The following RALGPS1 variants were observed in gnomAD, a reference collection of about 807,000 sequenced individuals.
RALGPS1 encodes ras-specific guanine nucleotide-releasing factor RalGPS1.
A neutral mutation model predicts 78.8 loss-of-function variants in RALGPS1; 19 were observed. The observed-to-expected ratio is 0.24, with a 90% confidence interval of 0.17 to 0.35. The LOEUF (loss-of-function observed/expected upper bound fraction) is 0.35. Among genes scored for constraint, RALGPS1 ranks in the 10% least tolerant of loss-of-function variants. The pLI, the probability that RALGPS1 is intolerant of heterozygous loss-of-function variation, is 1.00. For synonymous variants in RALGPS1, 228 were observed against 256.3 expected, an observed-to-expected ratio of 0.89 and a Z score of 1.06; for missense variants, 454 against 688.3, an observed-to-expected ratio of 0.66 and a Z score of 3.81.
At chr9:127,016,892 C>T (rs976729295) in intron 4 of RALGPS1, 1 of 152,088 alleles carries the variant, frequency 6.6e-6, no homozygotes, top group Admixed American at 6.5e-5. Context: ...AGAAGTACAC[C>T]TTATATTTCA....
At chr9:127,056,122 C>T (rs570415225) in intron 7 of RALGPS1, among the ~76,000 whole-genome samples, 3 of 152,330 alleles carry the variant, frequency 2.0e-5, no homozygotes, top group South Asian at 2.1e-4. Context: ...GTCTTTGCAC[C>T]TCAGTTGGCA....
In RALGPS1 at chr9:127,034,502, G is replaced by A. The variant is rs1356656202; in HGVS notation, c.288G>A (p.Arg96=). 11 of 1,614,074 alleles carry A rather than the reference G, an allele frequency of 6.8e-6. No individual in the cohort carries two copies. Among genetic ancestry groups the A allele is most frequent in the Non-Finnish European group, 8.5e-6 (10 of 1,179,954 alleles). Residue 96 remains arginine, a synonymous_variant, in exon 5 of 19, where the codon CGG becomes CGA. Transcript: ENST00000259351. ...SLAPNVVAFT[R]RFNQVSFWVV... is the part of the protein sequence containing the mutation. ...CCCCTAACGTTGTGGCCTTTACCCG[G>A]AGGTTTAACCAGGTAAGCAACACCC...
chr9:126,975,005 C>G (rs997387235), intron 3 of RALGPS1, among the ~76,000 whole-genome samples: 4 of 151,846 alleles, frequency 2.6e-5, no homozygotes, highest in African/African-American at 9.7e-5. Context: ...CTTGAGGGTT[C>G]AAACTTCCAG....
At chr9:127,143,988 G>C (rs1194030320) in intron 8 of RALGPS1, among the ~76,000 whole-genome samples, 1 of 152,218 alleles carries the variant, frequency 6.6e-6, no homozygotes, top group Non-Finnish European at 1.5e-5. Flanking sequence ...TTAGGCTGTG[G>C]GAGGGGGGCA....
chr9:127,184,004 C>T (rs779897852), intron 11 of RALGPS1: 128 of 1,549,880 alleles, frequency 8.3e-5, no homozygotes, highest in Middle Eastern at 3.3e-4. Flanking sequence ...TGCTGCTCCG[C>T]GCTCCCCGTG....
At chr9:127,093,868 G>A (rs773869332) in intron 8 of RALGPS1, 24 of 1,614,002 alleles carry the variant, frequency 1.5e-5, no homozygotes, top group Non-Finnish European at 2.0e-5. Flanking sequence ...GCTTCACCAG[G>A]TAGATGGAGC....
chr9:127,108,810 A>G, intron 8 of RALGPS1: 3 of 1,414,338 alleles, frequency 2.1e-6, no homozygotes, highest in Non-Finnish European at 9.5e-7. Flanking sequence ...AGAATCAGTG[A>G]TGGTCCCACC....
intron 4 of RALGPS1, among the ~76,000 whole-genome samples, chr9:127,010,868 A>G (rs561736369): frequency 4.5e-4 from 68 of 152,348 alleles, no homozygotes; most frequent in Non-Finnish European, 9.1e-4. Context: ...TCCCCTTATG[A>G]GAGAGCTCAT....
At chr9:127,080,558 A>C (rs2051079682) in intron 8 of RALGPS1, among the ~76,000 whole-genome samples, 1 of 152,178 alleles carries the variant, frequency 6.6e-6, no homozygotes, top group African/African-American at 2.4e-5. Context: ...GTTGTTTTGC[A>C]CATATAAACT....
Position 127,124,460 on chromosome 9 carries a change from GTC to G in RALGPS1, c.611-41607_611-41606del, listed in dbSNP as rs200374586. Among the ~76,000 whole-genome samples, 152 of 152,310 alleles carry G rather than the reference GTC, an allele frequency of 1.0e-3. 3 individuals are homozygous for G. In the East Asian group the frequency reaches 0.029, roughly 29 times the overall value. On this transcript the variant is annotated intron_variant, in intron 8 of 18. Transcript: ENST00000259351. ...ATGCTGCATCACTGTCAGCTGTAGAGTCTTCCTGTTGAGGCCCCACACACTGG... is the reference window on the plus strand; with the variant it reads ...ATGCTGCATCACTGTCAGCTGTAGAGTTCCTGTTGAGGCCCCACACACTGG...
intron 8 of RALGPS1, among the ~76,000 whole-genome samples, chr9:127,156,941 C>G (rs1012041505): frequency 1.3e-5 from 2 of 152,050 alleles, no homozygotes; most frequent in African/African-American, 4.8e-5. Flanking sequence ...TTTTCCAAAT[C>G]AATAATCATT....
chr9:126,961,094 A>C (rs1293534511), intron 1 of RALGPS1, among the ~76,000 whole-genome samples: 1 of 152,086 alleles, frequency 6.6e-6, no homozygotes, highest in African/African-American at 2.4e-5. Context: ...TGCCACTAAA[A>C]AGCTGTCAGT....
chr9:127,007,450 T>C (rs1044090742), intron 4 of RALGPS1, among the ~76,000 whole-genome samples: 1 of 152,128 alleles, frequency 6.6e-6, no homozygotes, highest in African/African-American at 2.4e-5. Context: ...TGAGAAGCAA[T>C]TTAATAAAGA....
At position 127,217,095 on chromosome 9, in the gene RALGPS1, CA is replaced by C. The variant is rs561621257; in HGVS notation, c.1645-1644del. 1.4e-3 allele frequency: 1,900 copies of C among 1,369,008 alleles called. 24 individuals carry two copies. In the African/African-American group the frequency reaches 0.026, roughly 19 times the overall value. The allele number at this position is 1,369,008 out of a possible 1,614,324, so 84.8% of individuals were successfully genotyped here. On this transcript the variant is annotated intron_variant, in intron 18 of 18. Coordinates refer to ENST00000259351, the MANE Select transcript of RALGPS1 (RefSeq NM_014636.3). ...CTTTGGAGGAGCGGCCAGAGGATGA[CA>C]GCAGCCCCAGCAGGCAGCAGTGCCT...
intron 11 of RALGPS1, among the ~76,000 whole-genome samples, chr9:127,192,947 A>G (rs1351410841): frequency 6.6e-6 from 1 of 152,184 alleles, no homozygotes; most frequent in East Asian, 1.9e-4. Context: ...ACGAGCCTTC[A>G]TTGATTTGGC....
At chr9:126,930,240 T>A (rs2035674230) in intron 1 of RALGPS1, among the ~76,000 whole-genome samples, 1 of 151,758 alleles carries the variant, frequency 6.6e-6, no homozygotes. Flanking sequence ...AGGAGCCTCA[T>A]ATTAAATATG....
intron 8 of RALGPS1, among the ~76,000 whole-genome samples, chr9:127,135,006 A>C (rs2057297223): frequency 6.6e-6 from 1 of 152,162 alleles, no homozygotes; most frequent in Non-Finnish European, 1.5e-5. Context: ...GACAGCACTC[A>C]TCTCTGCTGC....
chr9:126,953,691 C>G (rs145341815), intron 1 of RALGPS1, among the ~76,000 whole-genome samples: 1 of 152,224 alleles, frequency 6.6e-6, no homozygotes, highest in Non-Finnish European at 1.5e-5. Flanking sequence ...TGACAATGAT[C>G]AGACTGTGTA....
intron 4 of RALGPS1, among the ~76,000 whole-genome samples, chr9:126,987,413 CA>C (rs998860988): frequency 6.6e-6 from 1 of 152,140 alleles, no homozygotes; most frequent in Non-Finnish European, 1.5e-5. Flanking sequence ...GTGATGTGCT[CA>C]GCAAAATTTA....
Sources: gnomAD v4.1 joint callset for allele counts (sites outside exome capture counted in the v4.1 genomes callset) on GRCh38, gnomAD v4.1.1 for gene constraint, MANE v1.5 for transcripts, NCBI Gene and HGNC (gene_info 2026-07-23, HGNC 2026-07-21) for gene names.